Variants in USH2A observed in about 807,000 individuals in gnomAD.
The protein encoded by USH2A is usherin.
USH2A carries 443 observed loss-of-function variants against 538.9 expected under a neutral mutation model. That is an observed-to-expected ratio of 0.82 (90% confidence interval 0.76 to 0.89). The LOEUF (loss-of-function observed/expected upper bound fraction) is 0.89. Among genes scored for constraint, USH2A ranks in the 40% least tolerant of loss-of-function variants. The pLI is 0.00. For synonymous variants in USH2A, 2,413 were observed against 2,273.5 expected, an observed-to-expected ratio of 1.06 and a Z score of -1.75; for missense variants, 6,633 against 6,324.8, an observed-to-expected ratio of 1.05 and a Z score of -1.65.
At chr1:216,275,266 A>G (rs2036651195) in intron 11 of USH2A, among the ~76,000 whole-genome samples, 1 of 152,086 alleles carries the variant, frequency 6.6e-6, no homozygotes, top group East Asian at 1.9e-4. Flanking sequence ...TGTCATCTGA[A>G]TGGCACAACT....
At chr1:216,077,206 T>TTG (rs1211329216) in intron 27 of USH2A, among the ~76,000 whole-genome samples, 1 of 152,156 alleles carries the variant, frequency 6.6e-6, no homozygotes, top group Non-Finnish European at 1.5e-5. Context: ...TACACAGATA[T>TTG]TGTTAGCCTT....
chr1:215,796,025 A>AAAG (rs144239582), intron 50 of USH2A, among the ~76,000 whole-genome samples: 20 of 119,478 alleles, frequency 1.7e-4, no homozygotes, highest in African/African-American at 6.3e-4. Context: ...CAAATAAAAA[A>AAAG]TAGAAGAATG....
chr1:215,792,608 C>T lies in USH2A; in HGVS notation c.9959-2326G>A, dbSNP rs143063893. Reference sequence around the variant, plus strand: ...CTGCAATATTCTGACATAAAGATGTCTGACGTGCACTAACTCACTTAGGGA... The same window carrying T: ...CTGCAATATTCTGACATAAAGATGTTTGACGTGCACTAACTCACTTAGGGA... On this transcript the variant is annotated intron_variant, in intron 50 of 71. Coordinates refer to ENST00000307340, the MANE Select transcript of USH2A (RefSeq NM_206933.4). 1.8e-3 allele frequency among the ~76,000 whole-genome samples: 281 copies of T among 152,252 alleles called. No individual in the cohort carries two copies. The Middle Eastern group carries it at 0.02, about 11-fold the overall frequency.
rs1252982831 is a variant in USH2A, at chr1:216,148,008, G to C, written c.4627+27244C>G. Reference sequence around the variant, plus strand: ...TCCTTCCCAGATCTTCTCGGCTTAGGGGCTGAAGACTGACACTGCCCGATC... The same window carrying C: ...TCCTTCCCAGATCTTCTCGGCTTAGCGGCTGAAGACTGACACTGCCCGATC... On this transcript the variant is annotated intron_variant, in intron 21 of 71. Transcript: ENST00000307340. Among the ~76,000 whole-genome samples, 631 of 126,652 alleles carry C rather than the reference G, an allele frequency of 5.0e-3. 1 individual carries two copies. Among genetic ancestry groups the C allele is most frequent in the African/African-American group, 0.016 (507 of 32,386 alleles). 83.1% of individuals were successfully genotyped at this position (126,652 alleles called of 152,430 possible).
intron 15 of USH2A, among the ~76,000 whole-genome samples, chr1:216,208,289 C>A (rs998862460): frequency 6.6e-6 from 1 of 152,058 alleles, no homozygotes; most frequent in Admixed American, 6.6e-5. Flanking sequence ...ACAAGATGCA[C>A]AATCCCCCAT....
chr1:215,676,583 TA>T (rs953107189), intron 62 of USH2A, among the ~76,000 whole-genome samples: 2 of 152,164 alleles, frequency 1.3e-5, no homozygotes, highest in Admixed American at 1.3e-4. Flanking sequence ...TAATTTAGAC[TA>T]AATTGTTAAC....
intron 58 of USH2A, among the ~76,000 whole-genome samples, chr1:215,745,027 C>T (rs1212258747): frequency 3.3e-5 from 5 of 152,158 alleles, no homozygotes; most frequent in Admixed American, 1.3e-4. Flanking sequence ...TCAGAGGCCA[C>T]GATCTCAACA....
At chr1:215,666,998 G>A (rs1657624242) in intron 64 of USH2A, among the ~76,000 whole-genome samples, 1 of 152,164 alleles carries the variant, frequency 6.6e-6, no homozygotes, top group Non-Finnish European at 1.5e-5. Flanking sequence ...GGGTGAGGCA[G>A]GAGAATTGAC....
chr1:216,364,912 A>T, intron 4 of USH2A, 41 bp downstream of exon 4: 2 of 1,609,998 alleles, frequency 1.2e-6, no homozygotes, highest in Non-Finnish European at 1.7e-6. Context: ...AGAACAATGT[A>T]ATTGGATGAA....
rs1386296187 is a variant in USH2A at position 215,999,062 on chromosome 1, G to T, written c.6486-4C>A. The T allele has an allele frequency of 6.2e-7, 1 of 1,608,328 alleles. No homozygotes were observed. Among genetic ancestry groups the T allele is most frequent in the Non-Finnish European group, 8.5e-7 (1 of 1,175,760 alleles). On this transcript the variant is annotated splice_region_variant and splice_polypyrimidine_tract_variant and intron_variant, in intron 33 of 71. Coordinates refer to ENST00000307340, the MANE Select transcript of USH2A (RefSeq NM_206933.4). ...TATTTTTCTTGGTTGTTTCCACCTG[G>T]GAATGGTAAAATACATTATTATCAT...
At chr1:215,866,924 A>G in intron 44 of USH2A, 83 bp downstream of exon 44, 1 of 1,578,356 alleles carries the variant, frequency 6.3e-7, no homozygotes. Context: ...AATGATGTGT[A>G]CATGGGGGAG....
chr1:215,935,287 T>C (rs1666464806), intron 37 of USH2A, among the ~76,000 whole-genome samples: 1 of 152,038 alleles, frequency 6.6e-6, no homozygotes, highest in Non-Finnish European at 1.5e-5. Context: ...TATTGTATAT[T>C]TCACAAACTG....
chr1:215,814,056 G>T, intron 48 of USH2A, 152 bp from the exon 49 acceptor site: 1 of 918,640 alleles, frequency 1.1e-6, no homozygotes. Context: ...GTATTTTCCA[G>T]GATCATTCGA....
Position 216,246,656 on chromosome 1 carries a change from C to G in USH2A, c.2738G>C (p.Cys913Ser). The G allele has an allele frequency of 6.2e-7, 1 of 1,614,094 alleles. No homozygotes were observed. The highest frequency in any genetic ancestry group is 8.5e-7 in the Non-Finnish European group (1 of 1,179,980). ...CAGGCACTGGCCACTGATTGGGTCA[C>G]AAATGGTCCCAGGTAATGTCCCCAA... ...DSLGTLPGTICDPISGQCLCV... is the reference protein window; with the variant it reads ...DSLGTLPGTISDPISGQCLCV... Residue 913 changes from cysteine to serine, a missense_variant, in exon 13 of 72, where the codon TGT (cysteine) becomes TCT (serine). Transcript: ENST00000307340.
chr1:216,385,050 T>C (rs537080695), intron 3 of USH2A, among the ~76,000 whole-genome samples: 1 of 152,266 alleles, frequency 6.6e-6, no homozygotes, highest in Admixed American at 6.5e-5. Context: ...GTGGCTGGGG[T>C]ATCCAAGGTG....
chr1:215,968,354 CTGTT>C (rs1380652369), intron 36 of USH2A, among the ~76,000 whole-genome samples: 2 of 151,790 alleles, frequency 1.3e-5, no homozygotes, highest in African/African-American at 4.8e-5. Context: ...GTTGTTGCTG[CTGTT>C]TATTTTGTTT....
intron 25 of USH2A, among the ~76,000 whole-genome samples, chr1:216,083,790 T>C (rs1449072678): frequency 6.6e-6 from 1 of 152,126 alleles, no homozygotes; most frequent in Non-Finnish European, 1.5e-5. Context: ...TTGATATATA[T>C]TATACTTTTT....
intron 26 of USH2A, among the ~76,000 whole-genome samples, chr1:216,082,271 G>GTTTCAGTGAAGATTCATAGACATTACA (rs2031973556): frequency 6.8e-6 from 1 of 147,448 alleles, no homozygotes; most frequent in Non-Finnish European, 1.5e-5. Flanking sequence ...TAGACATTAC[G>GTTTCAGTGAAGATTCATAGACATTACA]TTTCAGCGAA....
At chr1:216,225,579 A>C (rs2035543890) in intron 14 of USH2A, among the ~76,000 whole-genome samples, 1 of 152,160 alleles carries the variant, frequency 6.6e-6, no homozygotes, top group Admixed American at 6.6e-5. Context: ...GAGAAGCTGC[A>C]TTATATACAG....
Sources: allele counts gnomAD v4.1 joint callset (sites outside exome capture counted in the v4.1 genomes callset), GRCh38; gene constraint gnomAD v4.1.1; transcripts MANE v1.5; gene names NCBI Gene and HGNC (gene_info 2026-07-23, HGNC 2026-07-21).